Variants in KIAA1671 observed in about 807,000 individuals in gnomAD.
The protein encoded by KIAA1671 is KIAA1671.
Under a neutral mutation model 131.2 loss-of-function variants are expected in KIAA1671, and 52 were observed. That is an observed-to-expected ratio of 0.40 (90% CI 0.32 to 0.50). The LOEUF (loss-of-function observed/expected upper bound fraction) is 0.50, where lower values mean the gene tolerates loss of function less well. Ranked by LOEUF, KIAA1671 falls within the 20% of genes least tolerant of loss-of-function variation. The pLI is 0.73. For synonymous variants in KIAA1671, 1,003 were observed against 961.6 expected (o/e 1.04, Z -0.80); for missense variants, 2,360 against 2,364.2 (o/e 1.00, Z 0.04).
At chr22:25,095,708 G>C (rs1408494050) in intron 6 of KIAA1671, among the ~76,000 whole-genome samples, 1 of 152,110 alleles carries the variant, frequency 6.6e-6, no homozygotes, top group Non-Finnish European at 1.5e-5. Context: ...TAAGCTGTAG[G>C]AATACTGATG....
Position 24,961,165 on chromosome 22 carries a change from C to T in KIAA1671, c.-208+8393C>T, listed in dbSNP as rs537503508. On this transcript the variant is annotated intron_variant, in intron 1 of 12. Transcript: ENST00000358431. Reference sequence around the variant, plus strand: ...CTGGGATTACAGGCATGCACCACCACGCCTGGCTAATTTTTGTAGAGACGA... The same window carrying T: ...CTGGGATTACAGGCATGCACCACCATGCCTGGCTAATTTTTGTAGAGACGA... Among the ~76,000 whole-genome samples the T allele has an allele frequency of 2.6e-5, 4 of 152,212 alleles. No homozygotes were observed. In the South Asian group the frequency reaches 6.2e-4, roughly 24 times the overall value.
At chr22:25,024,064 A>G (rs1356461181) in intron 1 of KIAA1671, 2 of 152,246 alleles carry the variant, frequency 1.3e-5, no homozygotes, top group African/African-American at 4.8e-5. Context: ...GGCATTTGCA[A>G]TGGTAACTTG....
In KIAA1671 at chr22:25,028,098, C is replaced by T; in HGVS notation, c.99C>T (p.Phe33=). The T allele has an allele frequency of 1.3e-6, 2 of 1,551,300 alleles. No individual in the cohort carries two copies. Among genetic ancestry groups the T allele is most frequent in the South Asian group, 1.2e-5 (1 of 84,002 alleles). Residue 33 remains phenylalanine, a synonymous_variant, in exon 3 of 13, where the codon TTC becomes TTT. Transcript: ENST00000358431. The part of the protein sequence containing the change: ...GKEETLTRTY[F]LQAGEASGAP... ...AGGAGACCCTGACGAGGACCTACTT[C>T]CTCCAGGCCGGCGAAGCCTCTGGGG... is the stretch of plus-strand genomic sequence containing the variant.
chr22:25,127,314 G>T (rs1049865398), intron 6 of KIAA1671, among the ~76,000 whole-genome samples: 3 of 152,206 alleles, frequency 2.0e-5, no homozygotes, highest in African/African-American at 7.2e-5. Flanking sequence ...TGCACAAGCT[G>T]TTCCCTCTGC....
chr22:24,975,744 A>G (rs1922878410), intron 1 of KIAA1671, among the ~76,000 whole-genome samples: 1 of 152,134 alleles, frequency 6.6e-6, no homozygotes, highest in South Asian at 2.1e-4. Flanking sequence ...CTTTTTCCAG[A>G]TGAGAAAACT....
intron 6 of KIAA1671, among the ~76,000 whole-genome samples, chr22:25,159,188 A>G (rs542263920): frequency 6.6e-6 from 1 of 152,144 alleles, no homozygotes; most frequent in South Asian, 2.1e-4. Flanking sequence ...AGGCACTCCC[A>G]GCCGGGAAAC....
intron 1 of KIAA1671, among the ~76,000 whole-genome samples, chr22:24,979,571 G>C (rs537337710): frequency 6.8e-6 from 1 of 147,384 alleles, no homozygotes; most frequent in Non-Finnish European, 1.5e-5. Context: ...AGATGGTCTC[G>C]ATCTCCTGAC....
At chr22:25,037,245 T>C (rs1926653010) in intron 4 of KIAA1671, among the ~76,000 whole-genome samples, 2 of 151,960 alleles carry the variant, frequency 1.3e-5, no homozygotes, top group Admixed American at 6.6e-5. Context: ...ATCGCTTGAA[T>C]CCGGAAGGCG....
chr22:25,097,622 C>G (rs1244988260), intron 6 of KIAA1671, among the ~76,000 whole-genome samples: 1 of 152,034 alleles, frequency 6.6e-6, no homozygotes, highest in Non-Finnish European at 1.5e-5. Context: ...TGCCTGTAGT[C>G]CCAGCTACTC....
intron 6 of KIAA1671, among the ~76,000 whole-genome samples, chr22:25,109,128 T>C (rs1383078298): frequency 6.6e-6 from 1 of 151,786 alleles, no homozygotes; most frequent in Non-Finnish European, 1.5e-5. Flanking sequence ...TTTTTTTTTT[T>C]AGACGGAGTC....
At chr22:25,131,451 T>A (rs1463228939) in intron 6 of KIAA1671, among the ~76,000 whole-genome samples, 1 of 152,174 alleles carries the variant, frequency 6.6e-6, no homozygotes, top group Non-Finnish European at 1.5e-5. Context: ...TGGCTCAGGT[T>A]TTCTCCCTCT....
intron 9 of KIAA1671, among the ~76,000 whole-genome samples, chr22:25,181,481 G>A (rs1197819750): frequency 6.6e-6 from 1 of 152,190 alleles, no homozygotes; most frequent in African/African-American, 2.4e-5. Flanking sequence ...AACCTACTCT[G>A]CCTGTTGTCA....
intron 1 of KIAA1671, among the ~76,000 whole-genome samples, chr22:24,993,044 G>C (rs1923931660): frequency 6.6e-6 from 1 of 151,928 alleles, no homozygotes; most frequent in Admixed American, 6.6e-5. Flanking sequence ...CAGACTCCCA[G>C]TTGCCAGGTG....
chr22:24,972,692 A>G (rs902151171), intron 1 of KIAA1671, among the ~76,000 whole-genome samples: 2 of 145,920 alleles, frequency 1.4e-5, no homozygotes, highest in African/African-American at 5.1e-5. Flanking sequence ...TCTTTCTTTC[A>G]TCCATCCATC....
intron 12 of KIAA1671, among the ~76,000 whole-genome samples, chr22:25,191,249 G>A (rs930615437): frequency 2.7e-5 from 4 of 150,004 alleles, no homozygotes; most frequent in Non-Finnish European, 4.4e-5. Flanking sequence ...TCTGCCTCCC[G>A]GGTTCAAACG....
chr22:24,984,010 T>C (rs964435865), intron 1 of KIAA1671, among the ~76,000 whole-genome samples: 3 of 152,024 alleles, frequency 2.0e-5, no homozygotes, highest in South Asian at 2.1e-4. Context: ...ACTCCCGACC[T>C]CAGGTGATCT....
intron 6 of KIAA1671, among the ~76,000 whole-genome samples, chr22:25,067,124 G>A (rs1415334882): frequency 6.6e-6 from 1 of 152,110 alleles, no homozygotes; most frequent in African/African-American, 2.4e-5. Context: ...CTGGGGGTGT[G>A]CCCTGGTGCG....
chr22:25,179,474 T>C, intron 9 of KIAA1671: 2 of 1,613,240 alleles, frequency 1.2e-6, no homozygotes, highest in South Asian at 1.1e-5. Context: ...GAAGTTGTTA[T>C]TCTCCTCCAG....
At chr22:25,088,419 C>T (rs752393938) in intron 6 of KIAA1671, among the ~76,000 whole-genome samples, 1 of 152,104 alleles carries the variant, frequency 6.6e-6, no homozygotes, top group South Asian at 2.1e-4. Context: ...TGTTGTCTTT[C>T]ATTCCTCAAA....
Sources: gnomAD v4.1 joint callset for allele counts (sites outside exome capture counted in the v4.1 genomes callset) on GRCh38, gnomAD v4.1.1 for gene constraint, MANE v1.5 for transcripts, NCBI Gene and HGNC (gene_info 2026-07-23, HGNC 2026-07-21) for gene names.